The following MEF2D variants were observed in gnomAD, a reference collection of about 807,000 sequenced individuals.
The protein encoded by MEF2D is myocyte enhancer factor 2D, also known as myocyte-specific enhancer factor 2D.
In MEF2D, 10 loss-of-function variants were observed where a neutral mutation model predicts 59.3. The ratio of observed to expected loss-of-function variants is 0.17; its 90% CI spans 0.10 to 0.29. The LOEUF (loss-of-function observed/expected upper bound fraction) is 0.29. Ranked by LOEUF, MEF2D falls within the 10% of genes least tolerant of loss-of-function variation. The probability of loss-of-function intolerance (pLI) is 1.00; values close to 1 mark genes in which losing one functional copy is unlikely to be tolerated. For missense variants in MEF2D, 508 were observed against 699.4 expected (o/e 0.73, Z 3.09); for synonymous variants, 305 against 295.0 (o/e 1.03, Z -0.35).
chr1:156,471,054 T>C (rs1180750157), intron 9 of MEF2D, among the ~76,000 whole-genome samples: 1 of 152,084 alleles, frequency 6.6e-6, no homozygotes, highest in Non-Finnish European at 1.5e-5. Context: ...GGATCAACTA[T>C]TTCTTTTCTT....
At position 156,482,523 on chromosome 1, in the gene MEF2D, C is replaced by A. The variant is rs1672090765; in HGVS notation, c.172G>T (p.Ala58Ser). ...FNHSNKLFQY[A>S]STDMDKVLLK... ...AGCACCTTGTCCATGTCGGTGCTGG[C>A]GTACTGGAACAGCTTGTTGGAGTGG... The change falls in exon 3 of 12, where the codon GCC becomes TCC. Residue 58 changes from alanine (A) to serine (S), a missense_variant. By Grantham distance (99) the Ala-to-Ser change is moderately conservative. Transcript: ENST00000348159. 6.2e-7 allele frequency: 1 copy of A among 1,614,224 alleles called. No homozygotes were observed. Among genetic ancestry groups the A allele is most frequent in the Non-Finnish European group, 8.5e-7 (1 of 1,180,050 alleles).
chr1:156,475,063 C>T (rs1671476557), intron 9 of MEF2D, 45 bp downstream of exon 9: 1 of 1,612,654 alleles, frequency 6.2e-7, no homozygotes, highest in African/African-American at 1.3e-5. Context: ...CACTTGCCTG[C>T]CCCAAGCCCA....
In MEF2D at chr1:156,465,309, G is replaced by A. The variant is rs1179846417; in HGVS notation, c.*2336C>T. 1.3e-5 allele frequency: 2 copies of A among 152,440 alleles called. No homozygotes were observed. The highest frequency in any genetic ancestry group is 4.8e-5 in the African/African-American group (2 of 41,448). 9.4% of individuals were successfully genotyped at this position (152,440 alleles called of 1,614,324 possible). ...TCCAGGAACTGTGTCAAGTGTGGGT[G>A]ACTAAGTGGACATATGTGGGTGGAA... On this transcript the variant is annotated 3_prime_UTR_variant, in exon 12 of 12. Transcript: ENST00000348159.
intron 7 of MEF2D, 97 bp from the exon 8 acceptor site, chr1:156,476,611 T>G (rs1286307575): frequency 6.8e-7 from 1 of 1,479,090 alleles, no homozygotes; most frequent in African/African-American, 1.4e-5. Flanking sequence ...CCTCTCTGCA[T>G]AAGAGTAGGG....
In MEF2D at chr1:156,483,091, T is replaced by C. The variant is rs1672126141; in HGVS notation, c.54+148A>G. 4 of 835,976 alleles carry C rather than the reference T, an allele frequency of 4.8e-6. No individual in the cohort carries two copies. The Admixed American group carries it at 8.4e-5, about 18-fold the overall frequency. 51.8% of individuals were successfully genotyped at this position (835,976 alleles called of 1,614,324 possible). On this transcript the variant is annotated intron_variant, in intron 2 of 11. Coordinates refer to ENST00000348159, the MANE Select transcript of MEF2D (RefSeq NM_005920.4). ...TCCAAGAGCTGCGAAGAGGTTGGGG[T>C]TCCTCTTCTCCCAATCTCCCTTCCC...
intron 9 of MEF2D, 132 bp downstream of exon 9, chr1:156,474,976 T>C: frequency 7.9e-7 from 1 of 1,272,502 alleles, no homozygotes; most frequent in Non-Finnish European, 1.1e-6. Context: ...TAACCATAAG[T>C]AGGTGGGGGT....
At chr1:156,491,257 C>T (rs982095713) in intron 1 of MEF2D, among the ~76,000 whole-genome samples, 7 of 152,188 alleles carry the variant, frequency 4.6e-5, no homozygotes, top group African/African-American at 1.4e-4. Context: ...ACAGGCTTCA[C>T]CCCACTGGCC....
At chr1:156,479,970 A>C (rs551229473) in intron 4 of MEF2D, among the ~76,000 whole-genome samples, 174 bp from the exon 5 acceptor site, 1 of 152,250 alleles carries the variant, frequency 6.6e-6, no homozygotes, top group African/African-American at 2.4e-5. Flanking sequence ...CAGTCCCACC[A>C]AGGAAGAACT....
chr1:156,492,764 C>G (rs1672887696), intron 1 of MEF2D, among the ~76,000 whole-genome samples: 1 of 152,222 alleles, frequency 6.6e-6, no homozygotes, highest in Non-Finnish European at 1.5e-5. Flanking sequence ...CACAACTTCC[C>G]TCTGGGGTCT....
intron 9 of MEF2D, among the ~76,000 whole-genome samples, chr1:156,471,364 C>T (rs1671225433): frequency 1.3e-5 from 2 of 152,174 alleles, no homozygotes; most frequent in African/African-American, 4.8e-5. Context: ...CTCCTGACCT[C>T]GTGATCTGCC....
At chr1:156,479,225 G>A (rs944778273) in intron 6 of MEF2D, 65 bp downstream of exon 6, 13 of 1,406,658 alleles carry the variant, frequency 9.2e-6, no homozygotes, top group Non-Finnish European at 1.3e-5. Flanking sequence ...CTGATCCTTG[G>A]ACCCCCTGAG....
chr1:156,474,713 G>C (rs1671450829), intron 9 of MEF2D, among the ~76,000 whole-genome samples: 1 of 152,168 alleles, frequency 6.6e-6, no homozygotes, highest in South Asian at 2.1e-4. Flanking sequence ...AGGAGGCTGA[G>C]GCAGGAGGAT....
chr1:156,474,983 G>A, intron 9 of MEF2D, 125 bp downstream of exon 9: 7 of 1,374,318 alleles, frequency 5.1e-6, no homozygotes, highest in Non-Finnish European at 7.0e-6. Flanking sequence ...AAGTAGGTGG[G>A]GGTTCCCCCA....
At chr1:156,478,485 G>A (rs1374497458) in intron 6 of MEF2D, among the ~76,000 whole-genome samples, 1 of 152,144 alleles carries the variant, frequency 6.6e-6, no homozygotes, top group Non-Finnish European at 1.5e-5. Flanking sequence ...AGGGTAGGAG[G>A]GGCTGTCCGC....
intron 9 of MEF2D, 121 bp downstream of exon 9, chr1:156,474,987 T>TC (rs1671470781): frequency 1.4e-6 from 2 of 1,396,134 alleles, no homozygotes; most frequent in Non-Finnish European, 2.0e-6. Context: ...AGGTGGGGGT[T>TC]CCCCCAAATC....
chr1:156,471,244 C>A (rs1292988008), intron 9 of MEF2D, among the ~76,000 whole-genome samples: 1 of 152,106 alleles, frequency 6.6e-6, no homozygotes, highest in Non-Finnish European at 1.5e-5. Flanking sequence ...GCTTTTCCTA[C>A]CTCAGCTTCC....
intron 1 of MEF2D, among the ~76,000 whole-genome samples, chr1:156,493,575 G>C (rs1489251730): frequency 2.6e-5 from 4 of 151,934 alleles, no homozygotes; most frequent in Non-Finnish European, 4.4e-5. Context: ...CAGAAGGAAG[G>C]GGGTGGGGAG....
intron 1 of MEF2D, among the ~76,000 whole-genome samples, chr1:156,488,089 G>C (rs1417248838): frequency 1.3e-5 from 2 of 152,208 alleles, no homozygotes; most frequent in Non-Finnish European, 2.9e-5. Flanking sequence ...CCCTTCAAAG[G>C]CTCTCAAGGC....
chr1:156,495,335 A>T (rs1673067793), intron 1 of MEF2D, among the ~76,000 whole-genome samples: 1 of 152,188 alleles, frequency 6.6e-6, no homozygotes, highest in Admixed American at 6.5e-5. Context: ...GGAAAGCTTA[A>T]AAGTCACTTA....
Sources: allele counts gnomAD v4.1 joint callset (sites outside exome capture counted in the v4.1 genomes callset), GRCh38; gene constraint gnomAD v4.1.1; transcripts MANE v1.5; gene names NCBI Gene and HGNC (gene_info 2026-07-23, HGNC 2026-07-21).